The following ABRACL variants were observed in gnomAD, a reference collection of about 807,000 sequenced individuals.
ABRACL encodes the protein costars family protein ABRACL.
A neutral mutation model predicts 7.0 loss-of-function variants in ABRACL; 4 were observed. The observed-to-expected ratio is 0.57, with a 90% CI of 0.28 to 1.30. The LOEUF is 1.30. Among genes scored for constraint, ABRACL ranks in the 50% most tolerant of loss-of-function variants. The probability of loss-of-function intolerance (pLI) is 0.10; values close to 1 mark genes in which losing one functional copy is unlikely to be tolerated. For synonymous variants in ABRACL, 30 were observed against 36.0 expected (o/e 0.83, Z 0.60); for missense variants, 104 against 97.3 (o/e 1.07, Z -0.29).
In ABRACL at chr6:139,034,367, G is replaced by A. The variant is rs565357217; in HGVS notation, c.61+146G>A. 6.6e-4 allele frequency: 1,037 copies of A among 1,563,668 alleles called. 13 individuals are homozygous for A. The South Asian group carries it at 0.011, about 17-fold the overall frequency. ...CTGCCCACAGCCCCAGGTTATAACT[G>A]CCCTTAGCCAGGAATTGACATCTGG... On this transcript the variant is annotated intron_variant, in intron 2 of 2. Transcript: ENST00000367660.
rs140292117 is a variant in ABRACL, at chr6:139,030,972, A to G, written c.-7+2097A>G. The stretch of plus-strand genomic sequence containing the variant: ...TTGGATGAACGTACATCTGCTTACT[A>G]TAATGCAGGTATGCGTACTATATAT... On this transcript the variant is annotated intron_variant, in intron 1 of 2. Coordinates refer to ENST00000367660, the MANE Select transcript of ABRACL (RefSeq NM_021243.3). Among the ~76,000 whole-genome samples the G allele has an allele frequency of 3.2e-3, 486 of 152,316 alleles. 5 individuals carry two copies. Among genetic ancestry groups the G allele is most frequent in the African/African-American group, 0.011 (466 of 41,564 alleles).
intron 2 of ABRACL, among the ~76,000 whole-genome samples, chr6:139,036,985 AAAC>A (rs1786167661): frequency 6.7e-6 from 1 of 149,426 alleles, no homozygotes; most frequent in Admixed American, 6.7e-5. Flanking sequence ...CCCTGTCTCA[AAAC>A]AAAAACAAAA....
At position 139,042,963 on chromosome 6, in the gene ABRACL, G is replaced by C; in HGVS notation, c.*60G>C. 1 of 1,375,012 alleles carries C rather than the reference G, an allele frequency of 7.3e-7. No individual in the cohort carries two copies. The highest frequency in any genetic ancestry group is 9.9e-7 in the Non-Finnish European group (1 of 1,014,712). 85.2% of individuals were successfully genotyped at this position (1,375,012 alleles called of 1,614,324 possible). A position where few individuals can be genotyped will look rare whatever the true frequency, so the allele number is the denominator to read the frequency against. On this transcript the variant is annotated 3_prime_UTR_variant, in exon 3 of 3. Transcript: ENST00000367660. ...TGTTTCTGGTAAACTGGAATATAAAGTGAAAGAACAAACATTTGAACATAC... is the reference window on the plus strand; with the variant it reads ...TGTTTCTGGTAAACTGGAATATAAACTGAAAGAACAAACATTTGAACATAC...
At chr6:139,041,815 T>C (rs1412815665) in intron 2 of ABRACL, among the ~76,000 whole-genome samples, 1 of 152,188 alleles carries the variant, frequency 6.6e-6, no homozygotes, top group African/African-American at 2.4e-5. Flanking sequence ...AGTGATTCTC[T>C]ACCTCCTTAT....
chr6:139,030,307 G>A (rs114372049), intron 1 of ABRACL, among the ~76,000 whole-genome samples: 122 of 152,096 alleles, frequency 8.0e-4, no homozygotes, highest in African/African-American at 2.7e-3. Flanking sequence ...CTTGCTTTTA[G>A]CCATTTGGAA....
chr6:139,038,893 T>A (rs1021058127), intron 2 of ABRACL, among the ~76,000 whole-genome samples: 1 of 152,190 alleles, frequency 6.6e-6, no homozygotes, highest in Non-Finnish European at 1.5e-5. Flanking sequence ...AAAACAATAA[T>A]ACTCTATTTC....
chr6:139,037,624 C>T (rs1188239185), intron 2 of ABRACL, among the ~76,000 whole-genome samples: 1 of 152,104 alleles, frequency 6.6e-6, no homozygotes, highest in African/African-American at 2.4e-5. Flanking sequence ...TTTTCTCCCA[C>T]GCATTTCACC....
At chr6:139,041,529 A>ATTTTTTT (rs144355709) in intron 2 of ABRACL, among the ~76,000 whole-genome samples, 92 of 85,614 alleles carry the variant, frequency 1.1e-3, no homozygotes, top group Admixed American at 2.1e-3. Flanking sequence ...ATATATATAT[A>ATTTTTTT]TATTTTTTTT....
At chr6:139,040,619 C>T (rs998087455) in intron 2 of ABRACL, among the ~76,000 whole-genome samples, 1 of 152,188 alleles carries the variant, frequency 6.6e-6, no homozygotes, top group Non-Finnish European at 1.5e-5. Flanking sequence ...AGCAGCTCCA[C>T]TTCTACCTGT....
At chr6:139,029,591 C>T (rs889686437) in intron 1 of ABRACL, among the ~76,000 whole-genome samples, 3 of 152,138 alleles carry the variant, frequency 2.0e-5, no homozygotes, top group Admixed American at 2.0e-4. Context: ...TGCACTGGTG[C>T]CGGCGGTGAC....
Position 139,041,451 on chromosome 6 carries a change from C to CTCTCTA in ABRACL, c.62-1267_62-1266insCTCTAT, listed in dbSNP as rs140091253. ...TCTCTCTCTCTCTCTCTCTCTCTCT[C>CTCTCTA]TATATATATATATATATATTTCTAT... On this transcript the variant is annotated intron_variant, in intron 2 of 2. Transcript: ENST00000367660. Among the ~76,000 whole-genome samples the CTCTCTA allele has an allele frequency of 3.9e-3, 433 of 110,016 alleles. 2 individuals carry two copies. The highest frequency in any genetic ancestry group is 8.8e-3 in the African/African-American group (249 of 28,170). The allele number at this position is 110,016 out of a possible 152,430, so 72.2% of individuals were successfully genotyped here.
chr6:139,029,913 A>G (rs1274450318), intron 1 of ABRACL, among the ~76,000 whole-genome samples: 1 of 152,138 alleles, frequency 6.6e-6, no homozygotes, highest in Non-Finnish European at 1.5e-5. Context: ...CAATGCCCTG[A>G]GGGTCCTTAA....
intron 1 of ABRACL, among the ~76,000 whole-genome samples, chr6:139,031,529 G>A (rs1027413252): frequency 6.6e-6 from 1 of 152,112 alleles, no homozygotes; most frequent in Non-Finnish European, 1.5e-5. Flanking sequence ...GAAAGATACC[G>A]GTTCATGTAG....
chr6:139,035,350 C>T (rs1297398874), intron 2 of ABRACL, among the ~76,000 whole-genome samples: 2 of 152,180 alleles, frequency 1.3e-5, no homozygotes, highest in African/African-American at 2.4e-5. Context: ...CTATAGGTTC[C>T]AGGAGGGAAT....
At chr6:139,034,559 G>T in intron 2 of ABRACL, 5 of 776,068 alleles carry the variant, frequency 6.4e-6, no homozygotes, top group Non-Finnish European at 9.6e-6. Context: ...TAAAATTCAT[G>T]TTTTCTGCCT....
chr6:139,041,054 TAGATGGC>T (rs1418877125), intron 2 of ABRACL, among the ~76,000 whole-genome samples: 2 of 152,184 alleles, frequency 1.3e-5, no homozygotes, highest in African/African-American at 2.4e-5. Flanking sequence ...AAATGACTAG[TAGATGGC>T]AGAGATTTCA....
Position 139,028,750 on chromosome 6 carries a change from C to T in ABRACL, c.-132C>T, listed in dbSNP as rs1049968333. The T allele has an allele frequency of 5.2e-5, 8 of 153,980 alleles. No homozygotes were observed. Among genetic ancestry groups the T allele is most frequent in the Admixed American group, 2.6e-4 (4 of 15,290 alleles). 9.5% of individuals were successfully genotyped at this position (153,980 alleles called of 1,614,324 possible). ...TACCCTGCTCCTCCTCCTCCACAGC[C>T]GTCTTTCTCTTTGCCTCAGCCACTT... is the stretch of plus-strand genomic sequence containing the variant. On this transcript the variant is annotated 5_prime_UTR_variant, in exon 1 of 3. Coordinates refer to ENST00000367660, the MANE Select transcript of ABRACL (RefSeq NM_021243.3).
intron 1 of ABRACL, among the ~76,000 whole-genome samples, chr6:139,032,795 A>C (rs944564711): frequency 2.0e-5 from 3 of 152,236 alleles, no homozygotes; most frequent in African/African-American, 7.2e-5. Context: ...ACTTCCTGAC[A>C]TCCTGCAGGT....
chr6:139,042,318 G>A (rs936053970), intron 2 of ABRACL, among the ~76,000 whole-genome samples: 1 of 152,106 alleles, frequency 6.6e-6, no homozygotes, highest in African/African-American at 2.4e-5. Flanking sequence ...TGGGGATTCC[G>A]AGTGTTCAGA....
Sources: allele counts gnomAD v4.1 joint callset (sites outside exome capture counted in the v4.1 genomes callset), GRCh38; gene constraint gnomAD v4.1.1; transcripts MANE v1.5; gene names NCBI Gene and HGNC (gene_info 2026-07-23, HGNC 2026-07-21).